The following NCAPD2 variants were observed in gnomAD, a reference collection of about 807,000 sequenced individuals.
NCAPD2 encodes the protein condensin complex subunit 1.
A neutral mutation model predicts 164.5 loss-of-function variants in NCAPD2; 100 were observed. The observed-to-expected ratio is 0.61, with a 90% confidence interval of 0.52 to 0.72. NCAPD2 has a LOEUF of 0.72. Among genes scored for constraint, NCAPD2 ranks in the 30% least tolerant of loss-of-function variants. NCAPD2 has a pLI of 0.00. For synonymous variants in NCAPD2, 585 were observed against 642.6 expected (o/e 0.91, Z 1.36); for missense variants, 1,560 against 1,749.2 (o/e 0.89, Z 1.93).
At chr12:6,499,951 T>C (rs916641481) in intron 2 of NCAPD2, among the ~76,000 whole-genome samples, 5 of 152,048 alleles carry the variant, frequency 3.3e-5, no homozygotes, top group African/African-American at 7.2e-5. Context: ...TGAAACCCCA[T>C]CTCTACCAAA....
intron 2 of NCAPD2, among the ~76,000 whole-genome samples, chr12:6,508,526 G>A (rs980377909): frequency 2.6e-5 from 4 of 152,144 alleles, no homozygotes; most frequent in African/African-American, 9.7e-5. Context: ...AAGGGAAAGG[G>A]ACAGCTAATC....
rs1435997195 is a variant in NCAPD2, at chr12:6,512,010, G to A, written c.587+758G>A. On this transcript the variant is annotated intron_variant, in intron 6 of 31. Transcript: ENST00000315579. ...AAAAAAAATAGATAGGGCCAGGCGC[G>A]GTGGCTCACGCCTGTAATCCCAGCA... Among the ~76,000 whole-genome samples the A allele has an allele frequency of 3.3e-5, 5 of 151,790 alleles. No homozygotes were observed. In the South Asian group the frequency reaches 8.3e-4, roughly 25 times the overall value.
chr12:6,504,302 C>A, intron 2 of NCAPD2, among the ~76,000 whole-genome samples: 1 of 149,578 alleles, frequency 6.7e-6, no homozygotes. Context: ...AGTCAAAAAT[C>A]TGCATATGTA....
chr12:6,494,790 A>G (rs1945960231), intron 1 of NCAPD2, among the ~76,000 whole-genome samples: 1 of 152,226 alleles, frequency 6.6e-6, no homozygotes, highest in African/African-American at 2.4e-5. Context: ...TTTTACAGAT[A>G]AAGCCCAGAG....
At chr12:6,503,340 T>C (rs984768262) in intron 2 of NCAPD2, among the ~76,000 whole-genome samples, 1 of 152,162 alleles carries the variant, frequency 6.6e-6, no homozygotes, top group Non-Finnish European at 1.5e-5. Context: ...TGGCTCACAT[T>C]TTTTTCTGGA....
chr12:6,526,920 C>A lies in NCAPD2; in HGVS notation c.2764C>A (p.Leu922Met), dbSNP rs375952478. Reference protein sequence around the residue: ...KESPAMLPTFLLMNLLSLAGD... With the variant: ...KESPAMLPTFMLMNLLSLAGD... Reference sequence around the variant, plus strand: ...GTCCCCCGCAATGCTCCCCACTTTCCTGTTGATGAACCTGCTGTCCCTGGC... The same window carrying A: ...GTCCCCCGCAATGCTCCCCACTTTCATGTTGATGAACCTGCTGTCCCTGGC... The change falls in exon 22 of 32, where the codon CTG becomes ATG. Residue 922 changes from leucine (L) to methionine (M), a missense_variant. Physicochemically the swap from Leu to Met is conservative, Grantham distance 15 (BLOSUM62 2). Coordinates refer to ENST00000315579, the MANE Select transcript of NCAPD2 (RefSeq NM_014865.4). The A allele has an allele frequency of 4.8e-5, 77 of 1,613,710 alleles. No individual in the cohort carries two copies. Among genetic ancestry groups the A allele is most frequent in the Non-Finnish European group, 6.4e-5 (76 of 1,179,886 alleles).
chr12:6,517,180 A>G (rs182891262), intron 10 of NCAPD2, among the ~76,000 whole-genome samples, 155 bp downstream of exon 10: 8 of 152,342 alleles, frequency 5.3e-5, no homozygotes, highest in Non-Finnish European at 1.2e-4. Flanking sequence ...AAGGACGAGG[A>G]TATCTGGCTC....
chr12:6,505,392 G>A (rs1171813582), intron 2 of NCAPD2, among the ~76,000 whole-genome samples: 2 of 152,128 alleles, frequency 1.3e-5, no homozygotes, highest in South Asian at 4.1e-4. Context: ...CTGGAGAGAC[G>A]AACTGCTCAC....
At chr12:6,497,410 C>T (rs1423978578) in intron 2 of NCAPD2, among the ~76,000 whole-genome samples, 4 of 151,928 alleles carry the variant, frequency 2.6e-5, no homozygotes, top group Non-Finnish European at 5.9e-5. Flanking sequence ...GGGTATTAAG[C>T]CCAGCATGTA....
At chr12:6,523,147 C>G in intron 16 of NCAPD2, 115 bp from the exon 17 acceptor site, 1 of 1,442,364 alleles carries the variant, frequency 6.9e-7, no homozygotes. Flanking sequence ...TAGGGTGGGG[C>G]TCGGTTTCCA....
At chr12:6,519,673 G>GT (rs1182017334) in intron 13 of NCAPD2, among the ~76,000 whole-genome samples, 1 of 151,446 alleles carries the variant, frequency 6.6e-6, no homozygotes, top group Admixed American at 6.6e-5. Context: ...CTACCATCTT[G>GT]TTTTTTTCAC....
chr12:6,527,157 T>C (rs1383274827), intron 22 of NCAPD2, 94 bp downstream of exon 22: 2 of 1,348,252 alleles, frequency 1.5e-6, no homozygotes, highest in East Asian at 2.5e-5. Flanking sequence ...TCCTCTGCTA[T>C]TACATGAAGC....
chr12:6,498,855 C>T (rs544465012), intron 2 of NCAPD2, among the ~76,000 whole-genome samples: 12 of 152,264 alleles, frequency 7.9e-5, no homozygotes, highest in African/African-American at 2.4e-4. Flanking sequence ...CTGCCCACCT[C>T]GGCCTCCCAA....
In NCAPD2 at chr12:6,523,251, T is replaced by G; in HGVS notation, c.2130-11T>G. On this transcript the variant is annotated splice_polypyrimidine_tract_variant and intron_variant, in intron 16 of 31. Transcript: ENST00000315579. ...TCTTATAGTGACCGCTGATCTCTGC[T>G]GTTCCCACAGAGCCAAGGCCCAGGC... 1.2e-6 allele frequency: 2 copies of G among 1,613,290 alleles called. No homozygotes were observed. Among genetic ancestry groups the G allele is most frequent in the Non-Finnish European group, 1.7e-6 (2 of 1,179,238 alleles).
chr12:6,520,927 C>G, intron 13 of NCAPD2, 59 bp from the exon 14 acceptor site: 1 of 1,608,224 alleles, frequency 6.2e-7, no homozygotes, highest in African/African-American at 1.3e-5. Flanking sequence ...GAGGTAAGCT[C>G]CCTTACAAAC....
intron 14 of NCAPD2, 49 bp from the exon 15 acceptor site, chr12:6,521,749 C>T (rs1355401476): frequency 6.3e-7 from 1 of 1,591,854 alleles, no homozygotes; most frequent in Non-Finnish European, 8.6e-7. Context: ...TGTTGGATTC[C>T]CCTGTATCCC....
chr12:6,501,467 C>T (rs1203110717), intron 2 of NCAPD2, among the ~76,000 whole-genome samples: 1 of 151,988 alleles, frequency 6.6e-6, no homozygotes, highest in Non-Finnish European at 1.5e-5. Flanking sequence ...GGATTACAGG[C>T]GTGGGCCACC....
chr12:6,500,459 G>A (rs1368028256), intron 2 of NCAPD2, among the ~76,000 whole-genome samples: 1 of 152,168 alleles, frequency 6.6e-6, no homozygotes, highest in Non-Finnish European at 1.5e-5. Context: ...GTGGGCAAAT[G>A]CCAATAGAGT....
chr12:6,527,888 G>A lies in NCAPD2; in HGVS notation c.3019G>A (p.Gly1007Ser), dbSNP rs1477246743. Residue 1007 changes from glycine (G) to serine (S), a missense_variant and splice_region_variant, in exon 23 of 32, where the codon GGC becomes AGC. Gly to Ser is a moderately conservative substitution (Grantham distance 56). Coordinates refer to ENST00000315579, the MANE Select transcript of NCAPD2 (RefSeq NM_014865.4). Reference protein sequence around the residue: ...RGICEMELLDGKQTLAAFVPL... With the variant: ...RGICEMELLDSKQTLAAFVPL... ...CATCTGCGAGATGGAACTGTTGGAT[G>A]GTAAGAAAAATGGCTGCACTCAGCA... 24 of 1,613,554 alleles carry A rather than the reference G, an allele frequency of 1.5e-5. No homozygotes were observed. Among genetic ancestry groups the A allele is most frequent in the Non-Finnish European group, 1.9e-5 (23 of 1,179,524 alleles).
Sources: allele counts gnomAD v4.1 joint callset (sites outside exome capture counted in the v4.1 genomes callset), GRCh38; gene constraint gnomAD v4.1.1; transcripts MANE v1.5; gene names NCBI Gene and HGNC (gene_info 2026-07-23, HGNC 2026-07-21).